Variants in MID1 observed in about 807,000 individuals in gnomAD.
MID1 encodes the protein midline 1.
A neutral mutation model predicts 40.4 loss-of-function variants in MID1; 7 were observed. The ratio of observed to expected loss-of-function variants is 0.17; its 90% CI spans 0.10 to 0.33. The LOEUF is 0.33. Among genes scored for constraint, MID1 ranks in the 10% least tolerant of loss-of-function variants. The pLI is 1.00. For synonymous variants in MID1, 229 were observed against 221.2 expected, an observed-to-expected ratio of 1.04 and a Z score of -0.31; for missense variants, 367 against 558.5, an observed-to-expected ratio of 0.66 and a Z score of 3.46.
intron 1 of MID1, among the ~76,000 whole-genome samples, chrX:10,703,808 C>T (rs1466558124): frequency 8.9e-6 from 1 of 112,004 alleles, no homozygotes; most frequent in Non-Finnish European, 1.9e-5. Context: ...TGCTTTGAAT[C>T]CTTTTTTCCA....
At chrX:10,482,377 C>T (rs1930378092) in intron 5 of MID1, 103 bp downstream of exon 5, 2 of 896,763 alleles carry the variant, frequency 2.2e-6, no homozygotes. Context: ...GGTACTGAGC[C>T]TTGAAAATGA....
At chrX:10,495,848 T>C (rs1271172229) in intron 3 of MID1, among the ~76,000 whole-genome samples, 157 bp from the exon 4 acceptor site, 2 of 112,602 alleles carry the variant, frequency 1.8e-5, no homozygotes. Context: ...ATATAGGACT[T>C]ACATGGCCAC....
At chrX:10,698,774 C>T (rs1392011564) in intron 1 of MID1, among the ~76,000 whole-genome samples, 1 of 110,535 alleles carries the variant, frequency 9.0e-6, no homozygotes, top group Non-Finnish European at 1.9e-5. Context: ...TTCCTCCTTC[C>T]CCGTAAAGGC....
intron 4 of MID1, among the ~76,000 whole-genome samples, chrX:10,483,591 C>T (rs1930457977): frequency 8.9e-6 from 1 of 111,981 alleles, no homozygotes; most frequent in East Asian, 2.8e-4. Context: ...CACCCAGGGA[C>T]AGGTTTCAAC....
rs752930972 is a variant in MID1 at position 10,453,641 on chromosome X, T to C, written c.1655+1229A>G. 8.9e-5 allele frequency among the ~76,000 whole-genome samples: 10 copies of C among 112,399 alleles called. No homozygotes were observed. In the East Asian group the frequency reaches 2.8e-3, roughly 32 times the overall value. ...ATGAAGTTTTATTGGAACGCAGCCA[T>C]GTCCATTTGTGTAGGTGTTGTCTGT... On this transcript the variant is annotated intron_variant, in intron 9 of 9. Transcript: ENST00000317552.
intron 3 of MID1, among the ~76,000 whole-genome samples, chrX:10,502,717 C>T (rs1931621425): frequency 8.9e-6 from 1 of 111,978 alleles, no homozygotes; most frequent in African/African-American, 3.2e-5. Context: ...GGCCTCATGG[C>T]AAAAACAAAA....
At chrX:10,770,998 C>T (rs185934171) in intron 1 of MID1, among the ~76,000 whole-genome samples, 4,626 of 107,153 alleles carry the variant, frequency 0.043, 222 homozygotes, top group African/African-American at 0.15. Flanking sequence ...CCCAGCTACT[C>T]GGGAGGCTGA....
At chrX:10,667,191 C>T (rs891640605) in intron 1 of MID1, among the ~76,000 whole-genome samples, 1 of 111,586 alleles carries the variant, frequency 9.0e-6, no homozygotes, top group Admixed American at 9.5e-5. Context: ...CTCCCTGGCA[C>T]ACCACTTTGA....
At chrX:10,622,430 T>C (rs752628870), upstream of MID1, among the ~76,000 whole-genome samples, 3 of 111,993 alleles carry the variant, frequency 2.7e-5, no homozygotes, top group East Asian at 8.4e-4. Context: ...CCATTTTTAT[T>C]CTCCTTTGAC....
At chrX:10,773,950 A>G (rs753495732) in intron 1 of MID1, among the ~76,000 whole-genome samples, 2 of 112,283 alleles carry the variant, frequency 1.8e-5, no homozygotes, top group East Asian at 5.6e-4. Flanking sequence ...CTAAATGAGC[A>G]TTCGTCTTTG....
intron 1 of MID1, among the ~76,000 whole-genome samples, chrX:10,798,572 T>C (rs1021002934): frequency 3.3e-4 from 37 of 111,830 alleles, no homozygotes; most frequent in African/African-American, 1.2e-3. Flanking sequence ...CTACTTCAAG[T>C]CGGAAAGATG....
chrX:10,469,522 GT>G (rs1331276384), intron 7 of MID1, 174 bp downstream of exon 7: 1 of 1,178,798 alleles, frequency 8.5e-7, no homozygotes, highest in East Asian at 3.0e-5. Context: ...TTAGCCAGCT[GT>G]TTTTACTAAT....
At chrX:10,693,338 G>T (rs1361243623) in intron 1 of MID1, among the ~76,000 whole-genome samples, 1 of 107,973 alleles carries the variant, frequency 9.3e-6, no homozygotes, top group Non-Finnish European at 1.9e-5. Flanking sequence ...GGGACCACAG[G>T]TGTGCACCAC....
intron 1 of MID1, among the ~76,000 whole-genome samples, chrX:10,632,609 C>T (rs1376833167): frequency 1.8e-5 from 2 of 110,185 alleles, no homozygotes; most frequent in Non-Finnish European, 3.8e-5. Flanking sequence ...AGGGCCCCAC[C>T]CCAGAGTTTC....
In MID1 at chrX:10,533,308, C is replaced by CAAGA. The variant is rs1191728992; in HGVS notation, c.661-10125_661-10122dup. On this transcript the variant is annotated intron_variant, in intron 2 of 9. Coordinates refer to ENST00000317552, the MANE Select transcript of MID1 (RefSeq NM_000381.4). ...AAACAACCTTCTCTTTTTAATAATC[C>CAAGA]AAGAAAGAAAGAAAGAAAGGAAAGA... Among the ~76,000 whole-genome samples the CAAGA allele has an allele frequency of 1.6e-3, 74 of 46,825 alleles. 1 individual carries two copies. Among genetic ancestry groups the CAAGA allele is most frequent in the African/African-American group, 5.0e-3 (63 of 12,646 alleles). 40.7% of individuals were successfully genotyped at this position (46,825 alleles called of 115,157 possible). A position where few individuals can be genotyped will look rare whatever the true frequency, so the allele number is the denominator to read the frequency against.
chrX:10,621,678 C>A (rs765439158), upstream of MID1, among the ~76,000 whole-genome samples: 1 of 109,836 alleles, frequency 9.1e-6, no homozygotes, highest in Non-Finnish European at 1.9e-5. Flanking sequence ...TGAGCTCTGC[C>A]CAGTTCTGTG....
intron 2 of MID1, among the ~76,000 whole-genome samples, chrX:10,550,454 G>A (rs1201180825): frequency 1.8e-5 from 2 of 112,130 alleles, no homozygotes; most frequent in Non-Finnish European, 3.8e-5. Flanking sequence ...GTTGGGCTGG[G>A]GGCATGGGTG....
chrX:10,502,268 C>G (rs1306787479), intron 3 of MID1, among the ~76,000 whole-genome samples: 4 of 112,484 alleles, frequency 3.6e-5, no homozygotes, highest in South Asian at 7.3e-4. Flanking sequence ...CTCATTTTCT[C>G]ACTTTGCAGT....
rs764985543 is a variant in MID1, at chrX:10,449,371, C to T, written c.2001G>A (p.Pro667=). The T allele has an allele frequency of 3.3e-6, 4 of 1,206,792 alleles. No individual in the cohort carries two copies. The African/African-American group carries it at 5.2e-5, about 16-fold the overall frequency. The change falls in exon 10 of 10, where the codon CCG becomes CCA. Residue 667 remains proline, a synonymous_variant. Transcript: ENST00000317552. ...GCAGCTCCATGTGGCCAGACGCTCACGGCAGCTGCTCTGTGCAGTCCAAAT... is the reference window on the plus strand; with the variant it reads ...GCAGCTCCATGTGGCCAGACGCTCATGGCAGCTGCTCTGTGCAGTCCAAAT... ...PDHLDCTEQL[P]
Sources: allele counts gnomAD v4.1 joint callset (sites outside exome capture counted in the v4.1 genomes callset), GRCh38; gene constraint gnomAD v4.1.1; transcripts MANE v1.5; gene names NCBI Gene and HGNC (gene_info 2026-07-23, HGNC 2026-07-21).